The following NPEPPS variants were observed in gnomAD, a reference collection of about 807,000 sequenced individuals.
The protein encoded by NPEPPS is aminopeptidase puromycin sensitive, also known as puromycin-sensitive aminopeptidase.
Under a neutral mutation model 115.5 loss-of-function variants are expected in NPEPPS, and 14 were observed. The ratio of observed to expected loss-of-function variants is 0.12; its 90% CI spans 0.08 to 0.19. NPEPPS has a LOEUF of 0.19. Among genes scored for constraint, NPEPPS ranks in the 10% least tolerant of loss-of-function variants. NPEPPS has a pLI of 1.00. For missense variants in NPEPPS, 523 were observed against 1,110.8 expected (o/e 0.47, Z 7.52); for synonymous variants, 285 against 390.6 (o/e 0.73, Z 3.19).
chr17:47,536,731 G>C (rs1272887197), intron 1 of NPEPPS, among the ~76,000 whole-genome samples: 1 of 72,206 alleles, frequency 1.4e-5, no homozygotes, highest in Non-Finnish European at 2.8e-5. Context: ...TTTTTTTTGA[G>C]ACGGAGTTTT....
chr17:47,612,616 A>T lies in NPEPPS; in HGVS notation c.2238+14A>T. ...CTGAGGAGTCCTGTAGGTTTTCATCATAAATTCCCTTGACTTATAGGTAAC... is the reference window on the plus strand; with the variant it reads ...CTGAGGAGTCCTGTAGGTTTTCATCTTAAATTCCCTTGACTTATAGGTAAC... On this transcript the variant is annotated intron_variant, in intron 18 of 22. Transcript: ENST00000322157. The T allele has an allele frequency of 6.2e-7, 1 of 1,611,342 alleles. No individual in the cohort carries two copies. The highest frequency in any genetic ancestry group is 1.7e-5 in the Admixed American group (1 of 59,556).
Position 47,601,682 on chromosome 17 carries a change from A to G in NPEPPS, c.1675A>G (p.Ile559Val). 1 of 1,612,634 alleles carries G rather than the reference A, an allele frequency of 6.2e-7. No individual in the cohort carries two copies. The highest frequency in any genetic ancestry group is 8.5e-7 in the Non-Finnish European group (1 of 1,179,554). Residue 559 changes from isoleucine to valine, a missense_variant, in exon 15 of 23, where the codon ATT (isoleucine) becomes GTT (valine). Physicochemically the swap from Ile to Val is conservative, Grantham distance 29. Around this residue, in one of 4 missense-constraint regions of NPEPPS, gnomAD observed 372 missense variants for 542.6 expected, o/e 0.69. Transcript: ENST00000322157. ...AGACCCCAACCAGGCCAAACTAAAAATTCTAATGGACAAGCCAGAGATGAA... is the reference window on the plus strand; with the variant it reads ...AGACCCCAACCAGGCCAAACTAAAAGTTCTAATGGACAAGCCAGAGATGAA... ...SEDPNQAKLK[I>V]LMDKPEMNVV...
chr17:47,569,616 T>TA, intron 3 of NPEPPS, 122 bp downstream of exon 3: 1 of 156,858 alleles, frequency 6.4e-6, no homozygotes, highest in Non-Finnish European at 1.4e-5. Context: ...TATTAAGAGC[T>TA]TTTTTTTTTT....
intron 17 of NPEPPS, among the ~76,000 whole-genome samples, chr17:47,611,663 G>C (rs1443258138): frequency 1.3e-5 from 2 of 151,956 alleles, no homozygotes; most frequent in African/African-American, 4.8e-5. Context: ...TGTAGAAACA[G>C]GGTCTTGCTG....
chr17:47,567,156 G>T (rs981951085), intron 2 of NPEPPS, among the ~76,000 whole-genome samples: 2 of 151,602 alleles, frequency 1.3e-5, no homozygotes, highest in Non-Finnish European at 2.9e-5. Flanking sequence ...AGAAGTGAGG[G>T]AACTGAGTTG....
intron 2 of NPEPPS, among the ~76,000 whole-genome samples, chr17:47,567,213 C>T (rs1910878471): frequency 1.3e-5 from 2 of 152,308 alleles, no homozygotes; most frequent in African/African-American, 4.8e-5. Flanking sequence ...TTATATGTCT[C>T]ATTTTCTTCA....
chr17:47,524,130 A>C (rs200267227), intron 1 of NPEPPS, among the ~76,000 whole-genome samples: 1 of 139,682 alleles, frequency 7.2e-6, no homozygotes, highest in African/African-American at 2.6e-5. Flanking sequence ...ACATGGTGAA[A>C]CCCCCTCTCT....
At position 47,603,209 on chromosome 17, in the gene NPEPPS, C is replaced by T. The variant is rs377421472; in HGVS notation, c.1741-706C>T. Among the ~76,000 whole-genome samples, 9 of 152,082 alleles carry T rather than the reference C, an allele frequency of 5.9e-5. No individual in the cohort carries two copies. In the East Asian group the frequency reaches 1.5e-3, roughly 26 times the overall value. ...GGCGGATCACCTGAGGTCAGGAGTT[C>T]GAGACCAGCCTGGCCAACACGGTGA... On this transcript the variant is annotated intron_variant, in intron 15 of 22. Transcript: ENST00000322157.
intron 13 of NPEPPS, among the ~76,000 whole-genome samples, chr17:47,597,398 A>G (rs1410731036): frequency 6.6e-6 from 1 of 152,304 alleles, no homozygotes; most frequent in Non-Finnish European, 1.5e-5. Context: ...TTTATTTGCC[A>G]TGGTTTTGTG....
intron 1 of NPEPPS, among the ~76,000 whole-genome samples, chr17:47,536,300 TGTTTGGCAGATTAAAA>T (rs1271381259): frequency 2.0e-5 from 3 of 152,124 alleles, no homozygotes; most frequent in Admixed American, 6.6e-5. Flanking sequence ...TATAGTAGTT[TGTTTGGCAGATTAAAA>T]ATTTGGCACC....
At chr17:47,547,533 T>C (rs1909303055) in intron 2 of NPEPPS, among the ~76,000 whole-genome samples, 2 of 151,940 alleles carry the variant, frequency 1.3e-5, no homozygotes, top group Admixed American at 1.3e-4. Flanking sequence ...TGTATTTTTT[T>C]ATAGATATGG....
In NPEPPS at chr17:47,601,463, A is replaced by G. The variant is rs150441097; in HGVS notation, c.1601-145A>G. Reference sequence around the variant, plus strand: ...CCTTTGCACTGATACTATTCAGGTTATCTGGAAGAGTTCATGTACCACTAA... The same window carrying G: ...CCTTTGCACTGATACTATTCAGGTTGTCTGGAAGAGTTCATGTACCACTAA... On this transcript the variant is annotated intron_variant, in intron 14 of 22. Coordinates refer to ENST00000322157, the MANE Select transcript of NPEPPS (RefSeq NM_006310.4). 4.8e-4 allele frequency: 382 copies of G among 788,978 alleles called. 1 individual carries two copies. The East Asian group carries it at 5.9e-3, about 12-fold the overall frequency. The allele number at this position is 788,978 out of a possible 1,614,324, so 48.9% of individuals were successfully genotyped here.
intron 3 of NPEPPS, among the ~76,000 whole-genome samples, chr17:47,572,856 GC>G (rs1597851516): frequency 1.3e-5 from 2 of 152,224 alleles, no homozygotes; most frequent in East Asian, 3.9e-4. Flanking sequence ...GCTCACCACA[GC>G]CTCCACCTCG....
chr17:47,551,266 T>A (rs1461084503), intron 2 of NPEPPS, among the ~76,000 whole-genome samples: 9 of 152,064 alleles, frequency 5.9e-5, no homozygotes, highest in Non-Finnish European at 1.0e-4. Context: ...GTAAATATTG[T>A]GTGAAAAGGA....
At chr17:47,594,823 A>G (rs1028483649) in intron 12 of NPEPPS, among the ~76,000 whole-genome samples, 2 of 151,728 alleles carry the variant, frequency 1.3e-5, no homozygotes, top group African/African-American at 4.8e-5. Flanking sequence ...TAGTAGAGAC[A>G]GGGTTTCACT....
chr17:47,609,129 C>T (rs573120341), intron 17 of NPEPPS, among the ~76,000 whole-genome samples: 12 of 151,538 alleles, frequency 7.9e-5, no homozygotes, highest in Non-Finnish European at 1.3e-4. Context: ...TGAACATATG[C>T]GGTAGTAATA....
chr17:47,613,941 C>T (rs776323003), intron 19 of NPEPPS, among the ~76,000 whole-genome samples: 4 of 151,626 alleles, frequency 2.6e-5, no homozygotes, highest in Non-Finnish European at 5.9e-5. Flanking sequence ...TTTTCCCCGC[C>T]TTTTTTACTC....
chr17:47,569,852 C>G (rs925258344), intron 3 of NPEPPS, among the ~76,000 whole-genome samples: 2 of 152,148 alleles, frequency 1.3e-5, no homozygotes, highest in African/African-American at 4.8e-5. Context: ...CTCCTGATCT[C>G]AAGCGATCTG....
At chr17:47,540,534 T>G (rs1333455816) in intron 1 of NPEPPS, among the ~76,000 whole-genome samples, 2 of 152,236 alleles carry the variant, frequency 1.3e-5, no homozygotes, top group Non-Finnish European at 2.9e-5. Flanking sequence ...TGCGTTGTAG[T>G]CAGCACATAC....
Sources: gnomAD v4.1 joint callset for allele counts (sites outside exome capture counted in the v4.1 genomes callset) on GRCh38, gnomAD v4.1.1 for gene constraint, gnomAD v4.1.1 regional missense constraint, MANE v1.5 for transcripts, NCBI Gene and HGNC (gene_info 2026-07-23, HGNC 2026-07-21) for gene names.